Variants in MSH3 observed in about 807,000 individuals in gnomAD.
MSH3 encodes DNA mismatch repair protein Msh3.
MSH3 carries 106 observed loss-of-function variants against 123.3 expected under a neutral mutation model. That is an observed-to-expected ratio of 0.86 (90% CI 0.73 to 1.01). MSH3 has a LOEUF of 1.01. Among genes scored for constraint, MSH3 ranks in the 50% least tolerant of loss-of-function variants. The pLI is 0.00. For missense variants in MSH3, 1,459 were observed against 1,347.6 expected, an observed-to-expected ratio of 1.08 and a Z score of -1.29; for synonymous variants, 515 against 481.4, an observed-to-expected ratio of 1.07 and a Z score of -0.91.
chr5:80,782,730 C>T (rs986766785), intron 17 of MSH3, among the ~76,000 whole-genome samples: 5 of 152,128 alleles, frequency 3.3e-5, no homozygotes, highest in African/African-American at 7.2e-5. Context: ...CACTTGAGAG[C>T]AGCATTGATT....
At chr5:80,762,792 T>TATTTA (rs1262664970) in intron 13 of MSH3, among the ~76,000 whole-genome samples, 1 of 120,048 alleles carries the variant, frequency 8.3e-6, no homozygotes, top group African/African-American at 3.2e-5. Context: ...TATTTTATTT[T>TATTTA]ATGTTATGTT....
chr5:80,868,467 G>A lies in MSH3; in HGVS notation c.3130+3525G>A, dbSNP rs1045033743. Among the ~76,000 whole-genome samples, 53 of 151,080 alleles carry A rather than the reference G, an allele frequency of 3.5e-4. No individual in the cohort carries two copies. In the East Asian group the frequency reaches 4.3e-3, roughly 12 times the overall value. ...AAACAATAAGATCATGTCCTTTGCC[G>A]GAATATGGATGAAGCTGGAGGCCAT... is the stretch of plus-strand genomic sequence containing the variant. On this transcript the variant is annotated intron_variant, in intron 22 of 23. Transcript: ENST00000265081.
intron 3 of MSH3, among the ~76,000 whole-genome samples, chr5:80,667,868 C>T (rs1279549146): frequency 6.6e-6 from 1 of 152,192 alleles, no homozygotes; most frequent in African/African-American, 2.4e-5. Flanking sequence ...TTCTCTCCTT[C>T]TTGTTGCTGC....
chr5:80,843,574 A>G (rs890010196), intron 20 of MSH3, among the ~76,000 whole-genome samples: 2 of 152,146 alleles, frequency 1.3e-5, no homozygotes, highest in Non-Finnish European at 2.9e-5. Context: ...TATTGCCTCA[A>G]TTTCAGAACC....
At chr5:80,751,557 C>A (rs1476055910) in intron 12 of MSH3, among the ~76,000 whole-genome samples, 1 of 152,166 alleles carries the variant, frequency 6.6e-6, no homozygotes, top group East Asian at 1.9e-4. Context: ...GGTGTGCTGG[C>A]ACCCTTTGGC....
chr5:80,727,736 A>C (rs1388867131), intron 9 of MSH3, among the ~76,000 whole-genome samples: 1 of 152,172 alleles, frequency 6.6e-6, no homozygotes, highest in Non-Finnish European at 1.5e-5. Flanking sequence ...GCTCTTTTGG[A>C]GTTTACATTC....
chr5:80,749,128 T>A lies in MSH3; in HGVS notation c.1763+4513T>A, dbSNP rs1414493997. Among the ~76,000 whole-genome samples, 3 of 152,170 alleles carry A rather than the reference T, an allele frequency of 2.0e-5. No homozygotes were observed. The East Asian group carries it at 5.8e-4, about 29-fold the overall frequency. ...AGGGAGAGAACTAATAGGATAGATG[T>A]ATATAAGGAGTATTGACTTACATGA... On this transcript the variant is annotated intron_variant, in intron 12 of 23. Transcript: ENST00000265081.
chr5:80,773,019 A>G (rs1302962205), intron 15 of MSH3, among the ~76,000 whole-genome samples: 1 of 152,176 alleles, frequency 6.6e-6, no homozygotes, highest in Non-Finnish European at 1.5e-5. Context: ...GTGCTCCTAG[A>G]GTAGAACTTT....
intron 10 of MSH3, among the ~76,000 whole-genome samples, chr5:80,734,197 AC>A (rs1363020956): frequency 3.9e-5 from 6 of 152,248 alleles, no homozygotes. Flanking sequence ...GACATCAGTC[AC>A]AAAAAGTCTC....
rs753775000 is a variant in MSH3, at chr5:80,656,503, AAGT to A, written c.331_333del (p.Ser111del). 18 of 1,614,220 alleles carry A rather than the reference AAGT, an allele frequency of 1.1e-5. No individual in the cohort carries two copies. In the African/African-American group the frequency reaches 2.4e-4, roughly 22 times the overall value. ...AGAAAGTCCAACAAAAGGAAGGAGGAAGTGATCTGGGAATGTCTGGCAACTCTG... is the reference window on the plus strand; with the variant it reads ...AGAAAGTCCAACAAAAGGAAGGAGGAGATCTGGGAATGTCTGGCAACTCTG... On this transcript the variant is annotated inframe_deletion, in exon 2 of 24. Coordinates refer to ENST00000265081, the MANE Select transcript of MSH3 (RefSeq NM_002439.5).
chr5:80,833,689 C>T (rs142863480), intron 20 of MSH3, among the ~76,000 whole-genome samples: 22 of 152,324 alleles, frequency 1.4e-4, no homozygotes, highest in African/African-American at 4.6e-4. Context: ...GATCCGCCCA[C>T]GTCAGCCTCC....
chr5:80,674,897 A>G, intron 6 of MSH3, 86 bp from the exon 7 acceptor site: 1 of 1,185,428 alleles, frequency 8.4e-7, no homozygotes, highest in Admixed American at 2.0e-5. Context: ...ATTATTTTAA[A>G]GGAGAAAATA....
chr5:80,656,612 A>C, intron 2 of MSH3, 81 bp downstream of exon 2: 1 of 1,580,606 alleles, frequency 6.3e-7, no homozygotes, highest in South Asian at 1.1e-5. Flanking sequence ...AGAGCGTATT[A>C]GAATTGTGTC....
At chr5:80,741,287 AC>A (rs1743609617) in intron 10 of MSH3, among the ~76,000 whole-genome samples, 176 bp from the exon 11 acceptor site, 1 of 151,922 alleles carries the variant, frequency 6.6e-6, no homozygotes, top group Non-Finnish European at 1.5e-5. Flanking sequence ...ACTTAACAGC[AC>A]CAGCGTTAAT....
chr5:80,874,295 C>T (rs1392815474), intron 23 of MSH3, among the ~76,000 whole-genome samples: 1 of 152,170 alleles, frequency 6.6e-6, no homozygotes, highest in Non-Finnish European at 1.5e-5. Context: ...TTCTCCTGTG[C>T]TTCCGCCTTG....
chr5:80,705,236 C>T (rs146917139), intron 8 of MSH3, among the ~76,000 whole-genome samples: 179 of 152,282 alleles, frequency 1.2e-3, no homozygotes, highest in African/African-American at 4.2e-3. Flanking sequence ...AGTCTTATTG[C>T]TTTCATGAAG....
At chr5:80,873,027 A>G (rs935079209) in intron 22 of MSH3, 89 bp from the exon 23 acceptor site, 8 of 1,161,198 alleles carry the variant, frequency 6.9e-6, no homozygotes, top group East Asian at 2.4e-5. Flanking sequence ...ACGATTTAAT[A>G]AAGTTATGAG....
In MSH3 at chr5:80,792,051, G is replaced by C. The variant is rs6151844; in HGVS notation, c.2544-682G>C. ...AAGACCGTAGAAAGATGTTTTAATT[G>C]AACAGCGTATGAAAATTTTAGGTCA... is the stretch of plus-strand genomic sequence containing the variant. On this transcript the variant is annotated intron_variant, in intron 18 of 23. Transcript: ENST00000265081. 7.9e-3 allele frequency among the ~76,000 whole-genome samples: 1,206 copies of C among 152,282 alleles called. 14 individuals are homozygous for C. Among genetic ancestry groups the C allele is most frequent in the African/African-American group, 0.026 (1,099 of 41,540 alleles).
At chr5:80,818,848 A>G (rs1745151409) in intron 20 of MSH3, among the ~76,000 whole-genome samples, 1 of 152,104 alleles carries the variant, frequency 6.6e-6, no homozygotes, top group South Asian at 2.1e-4. Context: ...TGCATTATGC[A>G]TTTTTCTTTA....
Sources: gnomAD v4.1 joint callset for allele counts (sites outside exome capture counted in the v4.1 genomes callset) on GRCh38, gnomAD v4.1.1 for gene constraint, MANE v1.5 for transcripts, NCBI Gene and HGNC (gene_info 2026-07-23, HGNC 2026-07-21) for gene names.